Variants in PTPRD observed in about 807,000 individuals in gnomAD.
PTPRD encodes protein tyrosine phosphatase receptor type D, also known as receptor-type tyrosine-protein phosphatase delta.
A neutral mutation model predicts 214.5 loss-of-function variants in PTPRD; 34 were observed. The ratio of observed to expected loss-of-function variants is 0.16; its 90% CI spans 0.12 to 0.21. PTPRD has a LOEUF of 0.21. Among genes scored for constraint, PTPRD ranks in the 10% least tolerant of loss-of-function variants. The probability of loss-of-function intolerance (pLI) is 1.00; values close to 1 mark genes in which losing one functional copy is unlikely to be tolerated. For synonymous variants in PTPRD, 1,128 were observed against 845.7 expected (o/e 1.33, Z -5.79); for missense variants, 2,545 against 2,398.7 (o/e 1.06, Z -1.27).
intron 7 of PTPRD, among the ~76,000 whole-genome samples, chr9:9,733,975 T>G (rs942717269): frequency 2.6e-5 from 4 of 152,114 alleles, no homozygotes; most frequent in African/African-American, 4.8e-5. Context: ...TCTCAACCAG[T>G]ACAGCTTTAT....
chr9:9,773,376 T>C (rs904403149), intron 5 of PTPRD, among the ~76,000 whole-genome samples: 4 of 152,142 alleles, frequency 2.6e-5, no homozygotes, highest in South Asian at 2.1e-4. Context: ...GAATACAATG[T>C]GGTAACTGCT....
chr9:10,065,909 T>C (rs963192404), intron 3 of PTPRD, among the ~76,000 whole-genome samples: 1 of 151,978 alleles, frequency 6.6e-6, no homozygotes, highest in South Asian at 2.1e-4. Context: ...ATTTCTTTGA[T>C]GTTACTGGTA....
At chr9:8,779,332 C>A in intron 11 of PTPRD, among the ~76,000 whole-genome samples, 1 of 152,118 alleles carries the variant, frequency 6.6e-6, no homozygotes. Flanking sequence ...AGTACTTACC[C>A]AGCCCCTCCT....
intron 12 of PTPRD, among the ~76,000 whole-genome samples, chr9:8,701,214 A>G (rs1489294844): frequency 6.6e-6 from 1 of 152,232 alleles, no homozygotes; most frequent in African/African-American, 2.4e-5. Flanking sequence ...GGGGAAAAAA[A>G]ATAAGAATCT....
At chr9:10,081,348 G>T (rs989088511) in intron 3 of PTPRD, among the ~76,000 whole-genome samples, 1 of 152,046 alleles carries the variant, frequency 6.6e-6, no homozygotes, top group African/African-American at 2.4e-5. Flanking sequence ...GGCAATGGGG[G>T]TTACAATTGG....
intron 7 of PTPRD, among the ~76,000 whole-genome samples, chr9:9,716,271 G>C (rs1349683404): frequency 6.6e-6 from 1 of 152,010 alleles, no homozygotes; most frequent in Non-Finnish European, 1.5e-5. Context: ...CATTTGGGTT[G>C]GTTTCAAGTC....
At chr9:10,470,560 C>T (rs1015194502) in intron 2 of PTPRD, among the ~76,000 whole-genome samples, 1 of 152,132 alleles carries the variant, frequency 6.6e-6, no homozygotes, top group Admixed American at 6.6e-5. Context: ...GGTGACTCCT[C>T]AGGAGAAAAA....
At chr9:10,147,424 T>A (rs1284807283) in intron 3 of PTPRD, among the ~76,000 whole-genome samples, 1 of 152,152 alleles carries the variant, frequency 6.6e-6, no homozygotes, top group Non-Finnish European at 1.5e-5. Context: ...TTATTCACAA[T>A]AGCAAAGACT....
In PTPRD at chr9:8,318,194, G is replaced by T. The variant is rs564268269; in HGVS notation, c.5671-252C>A. Among the ~76,000 whole-genome samples the T allele has an allele frequency of 2.6e-5, 4 of 152,010 alleles. No homozygotes were observed. In the South Asian group the frequency reaches 8.3e-4, roughly 32 times the overall value. Reference sequence around the variant, plus strand: ...AATTCCAAGCAGTGGCAGGTCGAGTGAACATTACCTTCCCAGACAAGTGTT... The same window carrying T: ...AATTCCAAGCAGTGGCAGGTCGAGTTAACATTACCTTCCCAGACAAGTGTT... On this transcript the variant is annotated intron_variant, in intron 45 of 45. Transcript: ENST00000381196.
At chr9:9,489,432 C>T (rs1016916576) in intron 8 of PTPRD, among the ~76,000 whole-genome samples, 1 of 152,028 alleles carries the variant, frequency 6.6e-6, no homozygotes, top group Non-Finnish European at 1.5e-5. Context: ...CTGTCCCTGA[C>T]AAAGCTTGAT....
chr9:8,668,216 G>C (rs906029737), intron 12 of PTPRD, among the ~76,000 whole-genome samples: 2 of 152,058 alleles, frequency 1.3e-5, no homozygotes, highest in East Asian at 1.9e-4. Context: ...AGAGGTACTA[G>C]GTCTGAAGAA....
chr9:8,732,990 T>C (rs998256091), intron 12 of PTPRD, among the ~76,000 whole-genome samples: 5 of 152,092 alleles, frequency 3.3e-5, no homozygotes, highest in African/African-American at 1.2e-4. Context: ...GAACCACACA[T>C]GTCAGGGAGT....
At chr9:8,630,471 A>G (rs2096217204) in intron 14 of PTPRD, among the ~76,000 whole-genome samples, 1 of 151,874 alleles carries the variant, frequency 6.6e-6, no homozygotes, top group African/African-American at 2.4e-5. Flanking sequence ...AAACAAAAAT[A>G]ATTTCCATCC....
intron 14 of PTPRD, among the ~76,000 whole-genome samples, chr9:8,602,903 A>G (rs16928179): frequency 0.11 from 16,439 of 152,230 alleles, 919 homozygotes; most frequent in East Asian, 0.18. Flanking sequence ...TAATTCATTC[A>G]TCTGCATAAA....
chr9:10,037,105 G>T (rs1286032245), intron 3 of PTPRD, among the ~76,000 whole-genome samples: 1 of 150,696 alleles, frequency 6.6e-6, no homozygotes, highest in Non-Finnish European at 1.5e-5. Flanking sequence ...TGCCCAGAAT[G>T]GTCTCGGACT....
intron 36 of PTPRD, among the ~76,000 whole-genome samples, chr9:8,399,198 A>G (rs1451640055): frequency 6.6e-6 from 1 of 151,400 alleles, no homozygotes; most frequent in African/African-American, 2.4e-5. Flanking sequence ...TTTAGAATCA[A>G]TGTTCAGAAT....
chr9:8,355,741 A>G (rs1486640070), intron 39 of PTPRD, among the ~76,000 whole-genome samples: 1 of 152,154 alleles, frequency 6.6e-6, no homozygotes, highest in Admixed American at 6.5e-5. Flanking sequence ...ACATGCTGCT[A>G]GGGACTGTGA....
chr9:10,175,945 G>T (rs1302338628), intron 3 of PTPRD, among the ~76,000 whole-genome samples: 1 of 151,926 alleles, frequency 6.6e-6, no homozygotes, highest in African/African-American at 2.4e-5. Context: ...ACATCTTTTT[G>T]TACTTTTGGC....
At chr9:9,235,141 G>A (rs1412055259) in intron 9 of PTPRD, among the ~76,000 whole-genome samples, 1 of 152,126 alleles carries the variant, frequency 6.6e-6, no homozygotes, top group Non-Finnish European at 1.5e-5. Context: ...AGGGTGGCGG[G>A]AGACAGAATG....
Sources: allele counts gnomAD v4.1 joint callset (sites outside exome capture counted in the v4.1 genomes callset), GRCh38; gene constraint gnomAD v4.1.1; transcripts MANE v1.5; gene names NCBI Gene and HGNC (gene_info 2026-07-23, HGNC 2026-07-21).